The following ZNF892 variants were observed in gnomAD, a reference collection of about 807,000 sequenced individuals.
The protein encoded by ZNF892 is zinc finger protein 570-like.
chr2:95,222,172 G>A, the ZNF892 span, among the ~76,000 whole-genome samples: 1 of 152,060 alleles, frequency 6.6e-6, no homozygotes, highest in Admixed American at 6.5e-5. Context: ...CATCAGTGTT[G>A]TGTCATTTAT....
chr2:95,245,394 C>T, the ZNF892 span, among the ~76,000 whole-genome samples: 1 of 149,414 alleles, frequency 6.7e-6, no homozygotes, highest in Admixed American at 6.7e-5. Context: ...CTACAGGCGC[C>T]CACCACCACA....
the ZNF892 span, among the ~76,000 whole-genome samples, chr2:95,221,897 G>C: frequency 6.6e-6 from 1 of 152,072 alleles, no homozygotes; most frequent in Non-Finnish European, 1.5e-5. Context: ...TGTGTGTGTG[G>C]TTATAATAGT....
the ZNF892 span, among the ~76,000 whole-genome samples, chr2:95,232,637 C>CT: frequency 6.6e-6 from 1 of 152,144 alleles, no homozygotes; most frequent in Admixed American, 6.5e-5. Context: ...CACTTACAGC[C>CT]TATCTGCTTC....
the ZNF892 span, among the ~76,000 whole-genome samples, chr2:95,253,728 C>T: frequency 6.6e-6 from 1 of 152,108 alleles, no homozygotes. Flanking sequence ...ATGGAATGTT[C>T]TTCCATTTGT....
the ZNF892 span, among the ~76,000 whole-genome samples, chr2:95,233,108 T>G: frequency 6.6e-6 from 1 of 152,230 alleles, no homozygotes; most frequent in East Asian, 1.9e-4. Flanking sequence ...AAGCACACCT[T>G]TGTCCAGAGT....
the ZNF892 span, among the ~76,000 whole-genome samples, chr2:95,214,156 T>A: frequency 6.6e-6 from 1 of 152,218 alleles, no homozygotes; most frequent in Non-Finnish European, 1.5e-5. Context: ...CAGTCATCTT[T>A]TTTTTCTTGT....
chr2:95,211,718 TG>T, the ZNF892 span: 1 of 398,578 alleles, frequency 2.5e-6, no homozygotes, highest in African/African-American at 2.1e-5. Flanking sequence ...CTGGTCTTGC[TG>T]GGTAAGGATG....
At chr2:95,206,547 C>T in the ZNF892 span, among the ~76,000 whole-genome samples, 16 of 152,108 alleles carry the variant, frequency 1.1e-4, no homozygotes, top group Non-Finnish European at 2.9e-5. Flanking sequence ...AAGTGATAAA[C>T]AATTTAAAAG....
At chr2:95,215,886 A>G in the ZNF892 span, among the ~76,000 whole-genome samples, 3 of 152,244 alleles carry the variant, frequency 2.0e-5, no homozygotes, top group Admixed American at 6.5e-5. Flanking sequence ...GGGGTGTGCC[A>G]TGGTGGAAAC....
the ZNF892 span, among the ~76,000 whole-genome samples, chr2:95,248,674 A>C: frequency 6.6e-6 from 1 of 152,106 alleles, no homozygotes; most frequent in African/African-American, 2.4e-5. Flanking sequence ...GAAAAAAAAA[A>C]CTAATCTCTA....
chr2:95,215,633 A>T, the ZNF892 span: 1 of 398,978 alleles, frequency 2.5e-6, no homozygotes, highest in East Asian at 3.6e-5. Flanking sequence ...CATTCAGAGC[A>T]TAGTTATTGA....
chr2:95,229,038 G>A, the ZNF892 span, among the ~76,000 whole-genome samples: 2 of 151,944 alleles, frequency 1.3e-5, no homozygotes, highest in Non-Finnish European at 1.5e-5. Context: ...CAGTTGTCCC[G>A]CCTTTCCAGA....
the ZNF892 span, among the ~76,000 whole-genome samples, chr2:95,247,678 G>A: frequency 1.3e-5 from 2 of 151,954 alleles, no homozygotes; most frequent in African/African-American, 2.4e-5. Context: ...ATTAAAAAGT[G>A]GGCAAAAGAA....
chr2:95,249,211 A>ATG, the ZNF892 span, among the ~76,000 whole-genome samples: 3 of 59,528 alleles, frequency 5.0e-5, no homozygotes, highest in Non-Finnish European at 7.1e-5. Context: ...ATATGTATGT[A>ATG]TATATATATA....
chr2:95,238,695 C>T, the ZNF892 span, among the ~76,000 whole-genome samples: 13 of 152,272 alleles, frequency 8.5e-5, no homozygotes, highest in East Asian at 1.2e-3. Context: ...CAAGAACATT[C>T]GTGATTCATG....
At chr2:95,233,791 C>T in the ZNF892 span, among the ~76,000 whole-genome samples, 3 of 150,886 alleles carry the variant, frequency 2.0e-5, no homozygotes, top group South Asian at 4.2e-4. Context: ...TGAGTCACCA[C>T]GCCTGGCCCT....
chr2:95,225,201 A>G, the ZNF892 span, among the ~76,000 whole-genome samples: 4 of 152,190 alleles, frequency 2.6e-5, no homozygotes, highest in Non-Finnish European at 5.9e-5. Flanking sequence ...TCCTTTTTTA[A>G]AAAAATCTCA....
chr2:95,218,230 C>T, the ZNF892 span, among the ~76,000 whole-genome samples: 1,318 of 152,278 alleles, frequency 8.7e-3, 8 homozygotes, highest in Non-Finnish European at 0.014. Flanking sequence ...ATAGAATTTT[C>T]AAATCTCTTT....
chr2:95,214,994 C>G, the ZNF892 span: 2 of 499,396 alleles, frequency 4.0e-6, no homozygotes, highest in African/African-American at 3.9e-5. Context: ...GTTCATACCT[C>G]ACTCAACATC....
Sources: gnomAD v4.1 joint callset for allele counts (sites outside exome capture counted in the v4.1 genomes callset) on GRCh38, gnomAD v4.1.1 for gene constraint, MANE v1.5 for transcripts, NCBI Gene and HGNC (gene_info 2026-07-23, HGNC 2026-07-21) for gene names.